The following MYOM1 variants were observed in gnomAD, a reference collection of about 807,000 sequenced individuals.
MYOM1 encodes myomesin 1, also known as myomesin-1.
A neutral mutation model predicts 205.3 loss-of-function variants in MYOM1; 164 were observed. The ratio of observed to expected loss-of-function variants is 0.80; its 90% CI spans 0.70 to 0.91. MYOM1 has a LOEUF of 0.91. MYOM1 is among the 40% of genes least tolerant of loss of function. The probability of loss-of-function intolerance (pLI) is 0.00; values close to 1 mark genes in which losing one functional copy is unlikely to be tolerated. For missense variants in MYOM1, 2,011 were observed against 2,127.3 expected, an observed-to-expected ratio of 0.95 and a Z score of 1.08; for synonymous variants, 772 against 789.4, an observed-to-expected ratio of 0.98 and a Z score of 0.37.
At chr18:3,072,039 A>G in intron 36 of MYOM1, 150 bp from the exon 37 acceptor site, 2 of 708,492 alleles carry the variant, frequency 2.8e-6, no homozygotes, top group Non-Finnish European at 4.8e-6. Context: ...AAAGAAAATG[A>G]TCCAGGGATT....
At chr18:3,176,015 A>G in intron 6 of MYOM1, 27 bp downstream of exon 6, 1 of 1,411,362 alleles carries the variant, frequency 7.1e-7, no homozygotes, top group South Asian at 1.2e-5. Context: ...AATGGTGAGC[A>G]ACACATGGAC....
chr18:3,135,878 T>A lies in MYOM1; in HGVS notation c.2026-148A>T. 1.2e-6 allele frequency: 1 copy of A among 862,642 alleles called. No individual in the cohort carries two copies. The highest frequency in any genetic ancestry group is 1.7e-6 in the Non-Finnish European group (1 of 572,428). The allele number at this position is 862,642 out of a possible 1,614,324, so 53.4% of individuals were successfully genotyped here. A position where few individuals can be genotyped will look rare whatever the true frequency, so the allele number is the denominator to read the frequency against. On this transcript the variant is annotated intron_variant, in intron 14 of 37. Coordinates refer to ENST00000356443, the MANE Select transcript of MYOM1 (RefSeq NM_003803.4). This position sits in a 1 kb window ranked among gnomAD's most constrained non-coding sequence, Gnocchi z 4.1. ...GGAGAGATGAGGAGGAAATAGGGGA[T>A]GAGGCATCTGAAGTTCGTAGGATTC... is the stretch of plus-strand genomic sequence containing the variant.
intron 2 of MYOM1, among the ~76,000 whole-genome samples, chr18:3,200,284 CT>C (rs1410112877): frequency 6.6e-6 from 1 of 152,194 alleles, no homozygotes; most frequent in African/African-American, 2.4e-5. Flanking sequence ...AATATATTAT[CT>C]GACATGTCCC....
chr18:3,213,164 C>T (rs1330386222), intron 2 of MYOM1, among the ~76,000 whole-genome samples: 3 of 152,220 alleles, frequency 2.0e-5, no homozygotes, highest in African/African-American at 7.2e-5. Flanking sequence ...CCTTTGGAAG[C>T]ATGCCTCACT....
the MYOM1 span, among the ~76,000 whole-genome samples, chr18:3,235,739 T>C: frequency 1.3e-5 from 2 of 152,018 alleles, no homozygotes; most frequent in Non-Finnish European, 2.9e-5. Context: ...GTGCCTGGTG[T>C]GTTGGAAGTA....
the MYOM1 span, among the ~76,000 whole-genome samples, chr18:3,232,627 C>T: frequency 6.6e-6 from 1 of 152,132 alleles, no homozygotes; most frequent in South Asian, 2.1e-4. Flanking sequence ...TCTAATAATA[C>T]ATTAGTTAAA....
In MYOM1 at chr18:3,135,193, G is replaced by T; in HGVS notation, c.2209+354C>A. On this transcript the variant is annotated intron_variant, in intron 15 of 37. Coordinates refer to ENST00000356443, the MANE Select transcript of MYOM1 (RefSeq NM_003803.4). The surrounding 1 kb of genome is among the most constrained non-coding windows in gnomAD (Gnocchi z 4.1). ...TCAAACTCTTGGACTCAGGTGATCT[G>T]CCTGCCTCGGCCTCCCAAAGTGCTC... is the stretch of plus-strand genomic sequence containing the variant. 3.6e-6 allele frequency: 1 copy of T among 279,040 alleles called. No individual in the cohort carries two copies. Among genetic ancestry groups the T allele is most frequent in the Non-Finnish European group, 6.8e-6 (1 of 146,092 alleles). 17.3% of individuals were successfully genotyped at this position (279,040 alleles called of 1,614,324 possible).
At chr18:3,187,421 C>A in intron 5 of MYOM1, 59 bp downstream of exon 5, 1 of 1,571,210 alleles carries the variant, frequency 6.4e-7, no homozygotes, top group Non-Finnish European at 8.7e-7. Context: ...TGTGTTTCCA[C>A]TAGAGGCGAA....
At chr18:3,241,210 G>C in the MYOM1 span, among the ~76,000 whole-genome samples, 10 of 152,164 alleles carry the variant, frequency 6.6e-5, no homozygotes, top group Non-Finnish European at 1.3e-4. Flanking sequence ...CAAGACAATG[G>C]GGAAAATATT....
intron 8 of MYOM1, among the ~76,000 whole-genome samples, chr18:3,172,122 A>G (rs1157738246): frequency 6.6e-6 from 1 of 152,254 alleles, no homozygotes; most frequent in Non-Finnish European, 1.5e-5. Flanking sequence ...GAACTGATCA[A>G]TAAATGTTAA....
At chr18:3,202,170 C>T (rs537647505) in intron 2 of MYOM1, among the ~76,000 whole-genome samples, 1 of 152,014 alleles carries the variant, frequency 6.6e-6, no homozygotes. Flanking sequence ...ATTCCTAAGG[C>T]AATCCCTAGG....
chr18:3,095,673 T>G (rs2079294136), intron 25 of MYOM1, among the ~76,000 whole-genome samples: 2 of 152,196 alleles, frequency 1.3e-5, no homozygotes, highest in South Asian at 4.1e-4. Context: ...CTCCCCTCAC[T>G]TTACTGGTCT....
chr18:3,186,974 A>G (rs1567957004), intron 5 of MYOM1, among the ~76,000 whole-genome samples: 2 of 151,978 alleles, frequency 1.3e-5, no homozygotes, highest in African/African-American at 4.8e-5. Context: ...AAAGAAAAGA[A>G]AGAAGAAAGA....
In MYOM1 at chr18:3,151,716, C is replaced by T. The variant is rs766320503; in HGVS notation, c.1821G>A (p.Pro607=). ...TACTTTTAAGTCTAGCTTTCTCAGCCGGATCCAGAGCAGCCACGGGCTCGG... is the reference window on the plus strand; with the variant it reads ...TACTTTTAAGTCTAGCTTTCTCAGCTGGATCCAGAGCAGCCACGGGCTCGG... The part of the protein sequence containing the change: ...RVSEPVAALD[P]AEKARLKSRP... The change falls in exon 12 of 38, where the codon CCG becomes CCA. Residue 607 remains proline, a synonymous_variant. Transcript: ENST00000356443. 9 of 1,613,286 alleles carry T rather than the reference C, an allele frequency of 5.6e-6. No individual in the cohort carries two copies. The highest frequency in any genetic ancestry group is 4.4e-5 in the South Asian group (4 of 91,038).
chr18:3,244,237 A>T, the MYOM1 span, among the ~76,000 whole-genome samples: 1 of 151,270 alleles, frequency 6.6e-6, no homozygotes, highest in Middle Eastern at 3.2e-3. Flanking sequence ...CCCAACCACC[A>T]CTCCTCCACT....
the MYOM1 span, among the ~76,000 whole-genome samples, chr18:3,242,995 A>G: frequency 1.3e-5 from 2 of 152,150 alleles, no homozygotes; most frequent in African/African-American, 4.8e-5. Flanking sequence ...CTAGTATGGA[A>G]GTAATAAGTA....
At position 3,141,429 on chromosome 18, in the gene MYOM1, C is replaced by T. The variant is rs1239504559; in HGVS notation, c.2025+510G>A. On this transcript the variant is annotated intron_variant, in intron 14 of 37. Transcript: ENST00000356443. Reference sequence around the variant, plus strand: ...GTGATCCCTGACCTCATTCCGCTACCTGTACTCAGAGTGGAGCTAGCCAAG... The same window carrying T: ...GTGATCCCTGACCTCATTCCGCTACTTGTACTCAGAGTGGAGCTAGCCAAG... Among the ~76,000 whole-genome samples, 15 of 152,304 alleles carry T rather than the reference C, an allele frequency of 9.8e-5. No individual in the cohort carries two copies. The East Asian group carries it at 2.9e-3, about 29-fold the overall frequency.
chr18:3,088,456 A>G (rs1261166432), intron 29 of MYOM1, among the ~76,000 whole-genome samples: 1 of 152,158 alleles, frequency 6.6e-6, no homozygotes, highest in Non-Finnish European at 1.5e-5. Context: ...TATCACATCT[A>G]GTAGACACTG....
the MYOM1 span, among the ~76,000 whole-genome samples, chr18:3,232,245 G>A: frequency 1.3e-5 from 2 of 151,918 alleles, no homozygotes; most frequent in African/African-American, 4.8e-5. Flanking sequence ...CACAAGAATT[G>A]CTTGAATCCT....
Sources: gnomAD v4.1 joint callset for allele counts (sites outside exome capture counted in the v4.1 genomes callset) on GRCh38, gnomAD v4.1.1 for gene constraint, Gnocchi (gnomAD v3.1) non-coding constraint, MANE v1.5 for transcripts, NCBI Gene and HGNC (gene_info 2026-07-23, HGNC 2026-07-21) for gene names.